Variants in HIF1A observed in about 807,000 individuals in gnomAD.
The protein encoded by HIF1A is hypoxia inducible factor 1 subunit alpha.
A neutral mutation model predicts 92.7 loss-of-function variants in HIF1A; 24 were observed. The ratio of observed to expected loss-of-function variants is 0.26; its 90% CI spans 0.19 to 0.36. The LOEUF (loss-of-function observed/expected upper bound fraction) is 0.36. HIF1A is among the 10% of genes least tolerant of loss of function. The pLI is 1.00. For synonymous variants in HIF1A, 319 were observed against 338.7 expected, an observed-to-expected ratio of 0.94 and a Z score of 0.64; for missense variants, 799 against 998.5, an observed-to-expected ratio of 0.80 and a Z score of 2.69.
chr14:61,711,875 TA>T (rs2140128479), intron 1 of HIF1A, among the ~76,000 whole-genome samples: 1 of 152,386 alleles, frequency 6.6e-6, no homozygotes, highest in East Asian at 1.9e-4. Flanking sequence ...TGCAAAAATA[TA>T]TATTTATACT....
rs542535029 is a variant in HIF1A, at chr14:61,744,904, T to G, written c.2202+91T>G. Reference sequence around the variant, plus strand: ...GTGTGTGTGTGTGTGTTTCCACGTTTCTTCCAAATAGTAAAGTTATATTTT... The same window carrying G: ...GTGTGTGTGTGTGTGTTTCCACGTTGCTTCCAAATAGTAAAGTTATATTTT... On this transcript the variant is annotated intron_variant, in intron 13 of 14. Transcript: ENST00000337138. The G allele has an allele frequency of 2.3e-5, 13 of 556,428 alleles. No individual in the cohort carries two copies. The East Asian group carries it at 4.0e-4, about 17-fold the overall frequency. 34.5% of individuals were successfully genotyped at this position (556,428 alleles called of 1,614,324 possible).
At chr14:61,733,172 G>A (rs2044596858) in intron 7 of HIF1A, among the ~76,000 whole-genome samples, 1 of 152,004 alleles carries the variant, frequency 6.6e-6, no homozygotes, top group South Asian at 2.1e-4. Context: ...TGCAACCCCC[G>A]CCTACCGGGT....
intron 4 of HIF1A, among the ~76,000 whole-genome samples, chr14:61,725,727 C>T (rs1197615468): frequency 1.3e-5 from 2 of 150,912 alleles, no homozygotes; most frequent in Non-Finnish European, 3.0e-5. Context: ...CAGCAAGATG[C>T]TCTTTTCTCA....
chr14:61,745,967 TA>T (rs1374002981), intron 14 of HIF1A, 150 bp downstream of exon 14: 6 of 623,590 alleles, frequency 9.6e-6, no homozygotes, highest in African/African-American at 9.4e-5. Context: ...CTCACACCTG[TA>T]ATCCCAGCAC....
intron 2 of HIF1A, among the ~76,000 whole-genome samples, 166 bp from the exon 3 acceptor site, chr14:61,721,343 T>C (rs2044424734): frequency 1.3e-5 from 2 of 152,244 alleles, no homozygotes; most frequent in South Asian, 2.1e-4. Flanking sequence ...AGCTGGCACA[T>C]CTAATTATAG....
intron 1 of HIF1A, among the ~76,000 whole-genome samples, chr14:61,708,498 A>G (rs1001454302): frequency 6.6e-6 from 1 of 152,176 alleles, no homozygotes; most frequent in African/African-American, 2.4e-5. Context: ...TAAGGAAGGG[A>G]TCCAGTTTCA....
At chr14:61,741,240 ATG>A in intron 12 of HIF1A, 52 bp downstream of exon 12, 1 of 1,261,246 alleles carries the variant, frequency 7.9e-7, no homozygotes, top group African/African-American at 1.5e-5. Context: ...TTTGAGATAA[ATG>A]TATGTGATAG....
chr14:61,695,633 C>T lies in HIF1A; in HGVS notation c.-172C>T. The T allele has an allele frequency of 1.4e-6, 1 of 689,712 alleles. No individual in the cohort carries two copies. The highest frequency in any genetic ancestry group is 1.9e-5 in the South Asian group (1 of 53,312). The allele number at this position is 689,712 out of a possible 1,614,324, so 42.7% of individuals were successfully genotyped here. The stretch of plus-strand genomic sequence containing the variant: ...GAGAGGCTCGGAGCCGGGCCCGGAC[C>T]CCGGCGATTGCCGCCCGCTTCTCTC... On this transcript the variant is annotated 5_prime_UTR_variant, in exon 1 of 15. Transcript: ENST00000337138.
chr14:61,734,955 G>A (rs959305778), intron 8 of HIF1A, among the ~76,000 whole-genome samples: 3 of 152,166 alleles, frequency 2.0e-5, no homozygotes, highest in Non-Finnish European at 2.9e-5. Context: ...GCTATATGAT[G>A]TAATACATGG....
chr14:61,714,204 C>CT (rs1350756029), intron 1 of HIF1A, among the ~76,000 whole-genome samples: 2 of 152,158 alleles, frequency 1.3e-5, no homozygotes, highest in Non-Finnish European at 2.9e-5. Context: ...GTTCAAAAAT[C>CT]TAAGCTTCCC....
chr14:61,699,799 AAG>A (rs1203455176), intron 1 of HIF1A, among the ~76,000 whole-genome samples: 5 of 152,172 alleles, frequency 3.3e-5, no homozygotes, highest in African/African-American at 1.2e-4. Flanking sequence ...GAAGGTTAGA[AAG>A]AGAATTTGAA....
At chr14:61,743,764 C>A (rs377033495) in intron 12 of HIF1A, among the ~76,000 whole-genome samples, 1 of 152,130 alleles carries the variant, frequency 6.6e-6, no homozygotes, top group Non-Finnish European at 1.5e-5. Flanking sequence ...CAATTCTTCA[C>A]AATTTAATAT....
intron 6 of HIF1A, among the ~76,000 whole-genome samples, chr14:61,729,969 A>G (rs899831113): frequency 3.9e-5 from 6 of 152,208 alleles, no homozygotes; most frequent in Non-Finnish European, 7.4e-5. Flanking sequence ...GCTCAATTTT[A>G]AGAAAATCTA....
intron 1 of HIF1A, among the ~76,000 whole-genome samples, chr14:61,704,009 C>T (rs1421417237): frequency 6.6e-6 from 1 of 152,130 alleles, no homozygotes; most frequent in Non-Finnish European, 1.5e-5. Context: ...TAAGATCACA[C>T]ATTTTTCTAG....
At chr14:61,744,850 T>C (rs1594889953) in intron 13 of HIF1A, 37 bp downstream of exon 13, 1 of 921,550 alleles carries the variant, frequency 1.1e-6, no homozygotes, top group East Asian at 2.5e-5. Flanking sequence ...TTCTAGCTAA[T>C]GTGCTATTTC....
chr14:61,721,037 C>A (rs1381121465), intron 2 of HIF1A, among the ~76,000 whole-genome samples: 1 of 151,966 alleles, frequency 6.6e-6, no homozygotes, highest in Non-Finnish European at 1.5e-5. Context: ...GTCAGGAGTT[C>A]AAGACCAGCC....
At chr14:61,695,936 G>C (rs1008703047) in intron 1 of HIF1A, 97 bp downstream of exon 1, 2 of 1,099,486 alleles carry the variant, frequency 1.8e-6, no homozygotes, top group Middle Eastern at 2.5e-4. Context: ...TAATGGGATT[G>C]GGGGGGGCAG....
chr14:61,746,987 C>T lies in HIF1A; in HGVS notation c.2383C>T (p.Leu795=), dbSNP rs2140164287. ...AATGGATGAAAGTGGATTACCACAG[C>T]TGACCAGTTATGATTGTGAAGTTAA... ...QSMDESGLPQ[L]TSYDCEVNAP... is the part of the protein sequence containing the mutation. Residue 795 remains leucine (L), a synonymous_variant, in exon 15 of 15, where the codon CTG becomes TTG. Transcript: ENST00000337138. 3 of 1,613,554 alleles carry T rather than the reference C, an allele frequency of 1.9e-6. No homozygotes were observed. Among genetic ancestry groups the T allele is most frequent in the South Asian group, 1.1e-5 (1 of 91,032 alleles).
intron 1 of HIF1A, among the ~76,000 whole-genome samples, chr14:61,702,146 G>T (rs186620155): frequency 6.6e-6 from 1 of 151,602 alleles, no homozygotes. Context: ...AAATATTGTC[G>T]GCCCGGCACG....
Sources: allele counts gnomAD v4.1 joint callset (sites outside exome capture counted in the v4.1 genomes callset), GRCh38; gene constraint gnomAD v4.1.1; transcripts MANE v1.5; gene names NCBI Gene and HGNC (gene_info 2026-07-23, HGNC 2026-07-21).